The following SV2C variants were observed in gnomAD, a reference collection of about 807,000 sequenced individuals.
SV2C encodes the protein solute carrier family 22 member B3.
In SV2C, 49 loss-of-function variants were observed where a neutral mutation model predicts 79.7. That is an observed-to-expected ratio of 0.61 (90% CI 0.49 to 0.78). The LOEUF is 0.78. SV2C is among the 30% of genes least tolerant of loss of function. SV2C has a pLI of 0.00. For missense variants in SV2C, 833 were observed against 912.9 expected, an observed-to-expected ratio of 0.91 and a Z score of 1.13; for synonymous variants, 334 against 333.2, an observed-to-expected ratio of 1.00 and a Z score of -0.03.
chr5:76,311,275 T>C (rs1458213727), intron 12 of SV2C: 1 of 152,380 alleles, frequency 6.6e-6, no homozygotes, highest in Admixed American at 6.5e-5. Context: ...TTCCCAGTGC[T>C]GTGGTACGTC....
chr5:75,947,385 A>G, the SV2C span, among the ~76,000 whole-genome samples: 1 of 151,386 alleles, frequency 6.6e-6, no homozygotes, highest in East Asian at 1.9e-4. Flanking sequence ...CATTCAGCAC[A>G]CTCTCCCTAC....
intron 2 of SV2C, among the ~76,000 whole-genome samples, chr5:76,165,435 C>A (rs563578962): frequency 1.3e-5 from 2 of 152,188 alleles, no homozygotes; most frequent in South Asian, 2.1e-4. Context: ...CTCACCAGTA[C>A]AACCAGGGTC....
At chr5:75,948,876 T>C in the SV2C span, among the ~76,000 whole-genome samples, 1 of 151,934 alleles carries the variant, frequency 6.6e-6, no homozygotes, top group Non-Finnish European at 1.5e-5. Flanking sequence ...ACAGATTACA[T>C]ACGACTTTGA....
chr5:76,082,637 C>T (rs1394637947), upstream of SV2C, among the ~76,000 whole-genome samples: 3 of 99,280 alleles, frequency 3.0e-5, no homozygotes, highest in Admixed American at 9.5e-5. Context: ...TCTCTCCACC[C>T]CCCCCCCCTC....
At chr5:76,246,155 GA>G (rs935573704) in intron 4 of SV2C, among the ~76,000 whole-genome samples, 4 of 151,334 alleles carry the variant, frequency 2.6e-5, no homozygotes, top group Non-Finnish European at 5.9e-5. Context: ...CACCATGTGG[GA>G]AAAAAAAGAC....
chr5:75,955,531 C>G, the SV2C span, among the ~76,000 whole-genome samples: 1 of 147,118 alleles, frequency 6.8e-6, no homozygotes, highest in Non-Finnish European at 1.5e-5. Flanking sequence ...CAACAAAAGC[C>G]AAAATTGACA....
rs566319541 is a variant in SV2C at position 76,267,544 on chromosome 5, T to C, written c.914-17618T>C. Among the ~76,000 whole-genome samples the C allele has an allele frequency of 5.7e-4, 87 of 152,318 alleles. No individual in the cohort carries two copies. In the Middle Eastern group the frequency reaches 0.017, roughly 30 times the overall value. On this transcript the variant is annotated intron_variant, in intron 4 of 12. Transcript: ENST00000502798. ...TTCTACTTAAGGTGATTCAAACAGG[T>C]TAAATTTTTCAGTCTCTGGAATTTA...
At chr5:75,936,123 A>G in the SV2C span, among the ~76,000 whole-genome samples, 1 of 152,214 alleles carries the variant, frequency 6.6e-6, no homozygotes, top group African/African-American at 2.4e-5. Flanking sequence ...GTTTATTGAA[A>G]GGATGTAGGA....
chr5:76,290,365 GA>G (rs1747518017), intron 6 of SV2C, among the ~76,000 whole-genome samples: 1 of 152,122 alleles, frequency 6.6e-6, no homozygotes, highest in Non-Finnish European at 1.5e-5. Flanking sequence ...AGGATGTCCG[GA>G]AAAACCTGTT....
intron 12 of SV2C, among the ~76,000 whole-genome samples, chr5:76,347,438 T>C (rs968117175): frequency 1.7e-5 from 2 of 119,528 alleles, no homozygotes; most frequent in African/African-American, 4.3e-5. Context: ...TGCCCGGACA[T>C]GTTTTGTTTT....
At chr5:76,174,737 G>C (rs187092981) in intron 2 of SV2C, among the ~76,000 whole-genome samples, 211 of 152,336 alleles carry the variant, frequency 1.4e-3, no homozygotes, top group African/African-American at 4.7e-3. Flanking sequence ...GTGGACCCCT[G>C]CTACAAACCT....
At chr5:76,219,555 G>T (rs192808969) in intron 4 of SV2C, among the ~76,000 whole-genome samples, 2 of 152,162 alleles carry the variant, frequency 1.3e-5, no homozygotes, top group Admixed American at 1.3e-4. Context: ...AAAGTCTCAC[G>T]TGCTGAAACA....
chr5:75,980,105 G>T, the SV2C span, among the ~76,000 whole-genome samples: 2,279 of 152,172 alleles, frequency 0.015, 26 homozygotes, highest in Middle Eastern at 0.031. Flanking sequence ...GCACATAAAC[G>T]AGAAAATCTA....
intron 1 of SV2C, among the ~76,000 whole-genome samples, chr5:76,122,728 G>T (rs1748559128): frequency 6.6e-6 from 1 of 151,950 alleles, no homozygotes; most frequent in African/African-American, 2.4e-5. Context: ...AAAGCAGTGT[G>T]TAGAGGGAAA....
chr5:76,337,670 G>A (rs544242725), downstream of SV2C, among the ~76,000 whole-genome samples: 1 of 152,266 alleles, frequency 6.6e-6, no homozygotes, highest in East Asian at 1.9e-4. Flanking sequence ...CAGAGGGGAT[G>A]ATAAAGACAG....
At chr5:75,993,876 A>G in the SV2C span, among the ~76,000 whole-genome samples, 6 of 152,114 alleles carry the variant, frequency 3.9e-5, no homozygotes, top group Admixed American at 2.0e-4. Flanking sequence ...GTTCAGGCAC[A>G]TCTTTCCTGG....
the SV2C span, among the ~76,000 whole-genome samples, chr5:75,917,469 A>G: frequency 6.6e-6 from 1 of 152,256 alleles, no homozygotes; most frequent in Non-Finnish European, 1.5e-5. Flanking sequence ...TCACAGAATC[A>G]GGCACTTTTC....
intron 12 of SV2C, 142 bp from the exon 13 acceptor site, chr5:76,325,222 T>C: frequency 1.2e-6 from 1 of 830,080 alleles, no homozygotes; most frequent in Non-Finnish European, 1.9e-6. Flanking sequence ...TACTCCCAGA[T>C]TTGCTAACAA....
chr5:76,110,268 A>T (rs30247), intron 1 of SV2C, among the ~76,000 whole-genome samples: 38,119 of 152,124 alleles, frequency 0.25, 4,952 homozygotes, highest in South Asian at 0.42. Flanking sequence ...GGCAGCAGAA[A>T]AAAAAACTTT....
Sources: gnomAD v4.1 joint callset for allele counts (sites outside exome capture counted in the v4.1 genomes callset) on GRCh38, gnomAD v4.1.1 for gene constraint, MANE v1.5 for transcripts, NCBI Gene and HGNC (gene_info 2026-07-23, HGNC 2026-07-21) for gene names.